Variants in AP3M2 observed in about 807,000 individuals in gnomAD.
AP3M2 encodes AP-3 complex subunit mu-2.
In AP3M2, 28 loss-of-function variants were observed where a neutral mutation model predicts 41.6. The observed-to-expected ratio is 0.67, with a 90% CI of 0.50 to 0.92. The LOEUF (loss-of-function observed/expected upper bound fraction) is 0.92. AP3M2 is among the 40% of genes least tolerant of loss of function. The pLI is 0.00. For missense variants in AP3M2, 427 were observed against 521.4 expected (o/e 0.82, Z 1.76); for synonymous variants, 193 against 186.4 (o/e 1.04, Z -0.29).
At chr8:42,165,340 A>G (rs1587917367) in intron 5 of AP3M2, 87 bp from the exon 6 acceptor site, 2 of 1,533,212 alleles carry the variant, frequency 1.3e-6, no homozygotes, top group East Asian at 4.5e-5. Context: ...GTGTGTTTTA[A>G]TTAAAAACAG....
rs757299589 is a variant in AP3M2, at chr8:42,154,867, C to T, written c.180C>T (p.Tyr60=). 2 of 1,614,140 alleles carry T rather than the reference C, an allele frequency of 1.2e-6. No individual in the cohort carries two copies. The highest frequency in any genetic ancestry group is 1.7e-6 in the Non-Finnish European group (2 of 1,180,028). Residue 60 remains tyrosine (Y), a synonymous_variant, in exon 2 of 9, where the codon TAC becomes TAT. Coordinates refer to ENST00000396926, the MANE Select transcript of AP3M2 (RefSeq NM_006803.4). ...CTCACCACTATCTCTTAAGTGTTTA[C>T]CGCCACAAGATCTTTTTTGTGGCCG... ...PTPHHYLLSV[Y]RHKIFFVAVI...
At position 42,167,201 on chromosome 8, in the gene AP3M2, A is replaced by G; in HGVS notation, c.841A>G (p.Ser281Gly). 1.2e-6 allele frequency: 2 copies of G among 1,614,126 alleles called. No homozygotes were observed. The highest frequency in any genetic ancestry group is 1.7e-6 in the Non-Finnish European group (2 of 1,180,034). ...AIPVYVKHNI[S>G]FRDSSSLGRF... Reference sequence around the variant, plus strand: ...CCCAGTGTATGTCAAACATAACATCAGTTTCCGGGACAGTAGTTCCCTTGG... The same window carrying G: ...CCCAGTGTATGTCAAACATAACATCGGTTTCCGGGACAGTAGTTCCCTTGG... Residue 281 changes from serine to glycine, a missense_variant, in exon 7 of 9, where the codon AGT (serine) becomes GGT (glycine). Ser to Gly is a moderately conservative substitution (Grantham distance 56). Coordinates refer to ENST00000396926, the MANE Select transcript of AP3M2 (RefSeq NM_006803.4).
intron 5 of AP3M2, 23 bp from the exon 6 acceptor site, chr8:42,165,404 T>C: frequency 1.9e-6 from 3 of 1,611,024 alleles, no homozygotes; most frequent in Non-Finnish European, 2.5e-6. Context: ...CACTTCTTGC[T>C]TCTCCTCTCC....
rs753166809 is a variant in AP3M2, at chr8:42,154,965, G to A, written c.273+5G>A. 16 of 1,609,810 alleles carry A rather than the reference G, an allele frequency of 9.9e-6. No homozygotes were observed. Among genetic ancestry groups the A allele is most frequent in the Middle Eastern group, 1.7e-4 (1 of 6,052 alleles). ...CGAGTGGTGGACACATTTCAGGTTCGTGAATGTGGGAAAGTTCATATATGT... is the reference window on the plus strand; with the variant it reads ...CGAGTGGTGGACACATTTCAGGTTCATGAATGTGGGAAAGTTCATATATGT... On this transcript the variant is annotated splice_donor_5th_base_variant and intron_variant, in intron 2 of 8. Coordinates refer to ENST00000396926, the MANE Select transcript of AP3M2 (RefSeq NM_006803.4).
At chr8:42,153,999 ATATAT>A (rs1406320910) in intron 1 of AP3M2, 2 of 152,202 alleles carry the variant, frequency 1.3e-5, no homozygotes, top group African/African-American at 2.4e-5. Flanking sequence ...ATTAATTTTA[ATATAT>A]TTGATTTAAC....
intron 3 of AP3M2, 61 bp downstream of exon 3, chr8:42,158,173 A>G (rs1028846722): frequency 7.9e-6 from 12 of 1,528,472 alleles, no homozygotes; most frequent in Non-Finnish European, 1.1e-5. Context: ...GGCTTAGTCG[A>G]GTGTCGCACA....
rs1354713049 is a variant in AP3M2 at position 42,169,028 on chromosome 8, G to C, written c.1224G>C (p.Met408Ile). 6 of 1,612,068 alleles carry C rather than the reference G, an allele frequency of 3.7e-6. No individual in the cohort carries two copies. Among genetic ancestry groups the C allele is most frequent in the Non-Finnish European group, 5.1e-6 (6 of 1,179,170 alleles). ...AACCCTTTAAGGGCATAAAATACATGACCAAAGCTGGGAAGTTCCAAGTTC... is the reference window on the plus strand; with the variant it reads ...AACCCTTTAAGGGCATAAAATACATCACCAAAGCTGGGAAGTTCCAAGTTC... ...KYKPFKGIKY[M>I]TKAGKFQVRT Residue 408 changes from methionine (M) to isoleucine (I), a missense_variant, in exon 9 of 9, where the codon ATG becomes ATC. Physicochemically the swap from Met to Ile is conservative, Grantham distance 10. Transcript: ENST00000396926.
chr8:42,157,188 G>A (rs1804377330), intron 2 of AP3M2, among the ~76,000 whole-genome samples: 1 of 152,228 alleles, frequency 6.6e-6, no homozygotes, highest in African/African-American at 2.4e-5. Context: ...AGTTTACAAA[G>A]TACATTCATG....
At chr8:42,162,248 G>A (rs779714203) in intron 3 of AP3M2, 33 bp from the exon 4 acceptor site, 1 of 1,580,576 alleles carries the variant, frequency 6.3e-7, no homozygotes. Context: ...GAGTCAAAAT[G>A]GTGTTAAAAT....
chr8:42,160,584 G>A (rs1229693482), intron 3 of AP3M2, among the ~76,000 whole-genome samples: 1 of 152,182 alleles, frequency 6.6e-6, no homozygotes, highest in Non-Finnish European at 1.5e-5. Flanking sequence ...GAGAAGGGAA[G>A]ATCTTTTTTA....
Position 42,158,906 on chromosome 8 carries a change from A to G in AP3M2, c.445+794A>G, listed in dbSNP as rs538769207. Reference sequence around the variant, plus strand: ...CCTCCCAGGCTCAAGCGATTCTCCTACCTCAGCCTCCCGAGTAGCTGGGAT... The same window carrying G: ...CCTCCCAGGCTCAAGCGATTCTCCTGCCTCAGCCTCCCGAGTAGCTGGGAT... On this transcript the variant is annotated intron_variant, in intron 3 of 8. Transcript: ENST00000396926. 3.3e-5 allele frequency among the ~76,000 whole-genome samples: 5 copies of G among 150,356 alleles called. No individual in the cohort carries two copies. In the South Asian group the frequency reaches 8.4e-4, roughly 25 times the overall value.
At chr8:42,156,203 A>C (rs1388747807) in intron 2 of AP3M2, among the ~76,000 whole-genome samples, 3 of 152,182 alleles carry the variant, frequency 2.0e-5, no homozygotes, top group African/African-American at 7.2e-5. Flanking sequence ...TGGCCATACT[A>C]ATGTAACTTA....
chr8:42,157,929 T>C lies in AP3M2; in HGVS notation c.274-12T>C, dbSNP rs34107617. On this transcript the variant is annotated splice_polypyrimidine_tract_variant and intron_variant, in intron 2 of 8. Transcript: ENST00000396926. ...ATCTGAGTGATCAATGTGTATATTC[T>C]GTCTCCATCAGGATTATTTTGGAGT... 9.9e-6 allele frequency: 16 copies of C among 1,608,332 alleles called. 2 individuals carry two copies. The East Asian group carries it at 3.6e-4, about 36-fold the overall frequency.
intron 8 of AP3M2, 131 bp downstream of exon 8, chr8:42,167,941 T>C (rs1804686621): frequency 8.5e-7 from 1 of 1,177,928 alleles, no homozygotes; most frequent in African/African-American, 1.5e-5. Flanking sequence ...TAAACAATCT[T>C]TAGTAACATC....
At chr8:42,156,015 A>G (rs773778647) in intron 2 of AP3M2, 7 of 452,798 alleles carry the variant, frequency 1.5e-5, no homozygotes, top group African/African-American at 4.1e-5. Flanking sequence ...CATGCAACAT[A>G]CCGGCCCCTT....
At chr8:42,166,692 G>A (rs993883743) in intron 6 of AP3M2, among the ~76,000 whole-genome samples, 1 of 151,500 alleles carries the variant, frequency 6.6e-6, no homozygotes, top group Non-Finnish European at 1.5e-5. Flanking sequence ...ACTTGAGCCT[G>A]GTATGTCGAG....
In AP3M2 at chr8:42,154,613, T is replaced by A; in HGVS notation, c.-72-3T>A. Reference sequence around the variant, plus strand: ...AACTGAATATCGCTGCTTTTGTTTTTAGAGTTGAAAACTTACAGAGTCCTG... The same window carrying A: ...AACTGAATATCGCTGCTTTTGTTTTAAGAGTTGAAAACTTACAGAGTCCTG... On this transcript the variant is annotated splice_region_variant and splice_polypyrimidine_tract_variant and intron_variant, in intron 1 of 8. Transcript: ENST00000396926. The A allele has an allele frequency of 6.4e-7, 1 of 1,551,522 alleles. No individual in the cohort carries two copies. Among genetic ancestry groups the A allele is most frequent in the Non-Finnish European group, 8.6e-7 (1 of 1,157,044 alleles).
At position 42,154,458 on chromosome 8, in the gene AP3M2, A is replaced by G. The variant is rs1587910966; in HGVS notation, c.-72-158A>G. On this transcript the variant is annotated intron_variant, in intron 1 of 8. Coordinates refer to ENST00000396926, the MANE Select transcript of AP3M2 (RefSeq NM_006803.4). ...ATGATTGACAGTCAGATGACTGATC[A>G]TTATCGTTTCGAATTCAAGGGAGGG... The G allele has an allele frequency of 3.1e-5, 17 of 540,950 alleles. No homozygotes were observed. The East Asian group carries it at 4.8e-4, about 15-fold the overall frequency. 33.5% of individuals were successfully genotyped at this position (540,950 alleles called of 1,614,324 possible). A position where few individuals can be genotyped will look rare whatever the true frequency, so the allele number is the denominator to read the frequency against.
Position 42,154,622 on chromosome 8 carries a change from A to C in AP3M2, c.-66A>C. On this transcript the variant is annotated 5_prime_UTR_variant, in exon 2 of 9. Coordinates refer to ENST00000396926, the MANE Select transcript of AP3M2 (RefSeq NM_006803.4). ...TCGCTGCTTTTGTTTTTAGAGTTGA[A>C]AACTTACAGAGTCCTGAGGCTTTCA... 2 of 1,561,228 alleles carry C rather than the reference A, an allele frequency of 1.3e-6. No homozygotes were observed. The highest frequency in any genetic ancestry group is 1.7e-6 in the Non-Finnish European group (2 of 1,160,610).
Sources: gnomAD v4.1 joint callset for allele counts (sites outside exome capture counted in the v4.1 genomes callset) on GRCh38, gnomAD v4.1.1 for gene constraint, MANE v1.5 for transcripts, NCBI Gene and HGNC (gene_info 2026-07-23, HGNC 2026-07-21) for gene names.